The following PDE1C variants were observed in gnomAD, a reference collection of about 807,000 sequenced individuals.
PDE1C encodes the protein dual specificity calcium/calmodulin-dependent 3',5'-cyclic nucleotide phosphodiesterase 1C.
Under a neutral mutation model 93.1 loss-of-function variants are expected in PDE1C, and 62 were observed. The observed-to-expected ratio is 0.67, with a 90% CI of 0.54 to 0.82. The LOEUF is 0.82. PDE1C is among the 40% of genes least tolerant of loss of function. PDE1C has a pLI of 0.00. For missense variants in PDE1C, 742 were observed against 884.6 expected, an observed-to-expected ratio of 0.84 and a Z score of 2.04; for synonymous variants, 325 against 310.1, an observed-to-expected ratio of 1.05 and a Z score of -0.50.
At chr7:32,183,169 G>A (rs1803564194) in intron 2 of PDE1C, among the ~76,000 whole-genome samples, 1 of 152,060 alleles carries the variant, frequency 6.6e-6, no homozygotes, top group Non-Finnish European at 1.5e-5. Flanking sequence ...ACAAATGGAA[G>A]AACATTCCAT....
At chr7:31,695,084 G>A in the PDE1C span, among the ~76,000 whole-genome samples, 1 of 152,084 alleles carries the variant, frequency 6.6e-6, no homozygotes, top group Non-Finnish European at 1.5e-5. Flanking sequence ...TGGCCCTTGG[G>A]GTCTCCAAAG....
chr7:32,165,486 G>A (rs1802187451), intron 3 of PDE1C, among the ~76,000 whole-genome samples: 1 of 152,162 alleles, frequency 6.6e-6, no homozygotes, highest in Non-Finnish European at 1.5e-5. Flanking sequence ...ACATGGCTAG[G>A]GAGGCCTCAG....
the PDE1C span, among the ~76,000 whole-genome samples, chr7:31,731,185 T>C: frequency 6.6e-6 from 1 of 151,802 alleles, no homozygotes; most frequent in African/African-American, 2.4e-5. Context: ...TATGTTGGGA[T>C]CAAGCCCTGA....
intron 2 of PDE1C, among the ~76,000 whole-genome samples, chr7:31,894,353 C>G (rs1445188319): frequency 6.6e-6 from 1 of 152,234 alleles, no homozygotes; most frequent in African/African-American, 2.4e-5. Flanking sequence ...CAAGCTCAGA[C>G]AGCTGTGACA....
At chr7:31,838,049 T>A in intron 9 of PDE1C, 78 bp from the exon 10 acceptor site, 2 of 903,754 alleles carry the variant, frequency 2.2e-6, no homozygotes, top group Non-Finnish European at 1.8e-6. Flanking sequence ...TTTTTGCCAC[T>A]GCTAATGAAA....
chr7:32,184,464 G>A (rs563936863), intron 2 of PDE1C, among the ~76,000 whole-genome samples: 1,980 of 152,292 alleles, frequency 0.013, 47 homozygotes, highest in African/African-American at 0.045. Context: ...GGAATACTAT[G>A]CAGCCATAAA....
the PDE1C span, among the ~76,000 whole-genome samples, chr7:31,633,837 T>C: frequency 5.4e-4 from 82 of 152,124 alleles, 1 homozygote; most frequent in Non-Finnish European, 1.3e-4. Context: ...GGTTGAAACA[T>C]TTCTCTTGCT....
At chr7:31,711,998 G>A in the PDE1C span, among the ~76,000 whole-genome samples, 11 of 152,090 alleles carry the variant, frequency 7.2e-5, no homozygotes, top group Non-Finnish European at 8.8e-5. Flanking sequence ...AGATCTGCTC[G>A]TCCTCTAGAG....
intron 1 of PDE1C, among the ~76,000 whole-genome samples, chr7:32,420,965 G>A (rs1785420139): frequency 6.6e-6 from 1 of 152,070 alleles, no homozygotes; most frequent in African/African-American, 2.4e-5. Flanking sequence ...GATCTCACCT[G>A]ATCCCAGCTC....
At chr7:31,653,576 AC>A in the PDE1C span, 7 of 152,186 alleles carry the variant, frequency 4.6e-5, no homozygotes, top group African/African-American at 1.4e-4. Flanking sequence ...TTTAGGGACC[AC>A]AAGGAATTTC....
rs59580872 is a variant in PDE1C, at chr7:32,047,062, A to AGTGTGTGTGTGT, written c.128+4480_128+4491dup. Among the ~76,000 whole-genome samples the AGTGTGTGTGTGT allele has an allele frequency of 1.5e-3, 224 of 145,962 alleles. 1 individual carries two copies. Among genetic ancestry groups the AGTGTGTGTGTGT allele is most frequent in the African/African-American group, 5.4e-3 (216 of 39,700 alleles). ...GTGTGTGTGTGTGTGTGCGAGACAG[A>AGTGTGTGTGTGT]GTGTGTGTGTGTGTGTGTGTGTGTG... is the stretch of plus-strand genomic sequence containing the variant. On this transcript the variant is annotated intron_variant, in intron 2 of 17. Coordinates refer to ENST00000396191, the MANE Select transcript of PDE1C (RefSeq NM_001191057.4).
At chr7:32,251,649 A>AAG (rs1809389400) in intron 1 of PDE1C, among the ~76,000 whole-genome samples, 1 of 152,108 alleles carries the variant, frequency 6.6e-6, no homozygotes, top group African/African-American at 2.4e-5. Context: ...CTGCACCTGC[A>AAG]CAGTGCCTGG....
At chr7:31,785,565 G>A (rs1243134531) in intron 16 of PDE1C, 2 of 152,142 alleles carry the variant, frequency 1.3e-5, no homozygotes, top group African/African-American at 4.8e-5. Context: ...GTCATCCACT[G>A]CACAATCGTT....
chr7:32,332,706 A>G (rs959839552), intron 1 of PDE1C, among the ~76,000 whole-genome samples: 6 of 152,260 alleles, frequency 3.9e-5, no homozygotes, highest in African/African-American at 1.2e-4. Context: ...TGTAGAAATG[A>G]AAGTGAATAA....
chr7:32,099,989 C>T (rs1260962312), intron 3 of PDE1C, among the ~76,000 whole-genome samples: 2 of 152,148 alleles, frequency 1.3e-5, no homozygotes, highest in Admixed American at 6.5e-5. Flanking sequence ...TCTACATCCC[C>T]GTTTTCTACT....
chr7:31,773,096 G>A (rs560843203), intron 17 of PDE1C, among the ~76,000 whole-genome samples: 29 of 152,358 alleles, frequency 1.9e-4, no homozygotes, highest in African/African-American at 6.7e-4. Flanking sequence ...CTGCCCTGCA[G>A]CTTCTGTCCT....
the PDE1C span, among the ~76,000 whole-genome samples, chr7:31,662,387 TCTAA>T: frequency 6.6e-6 from 1 of 152,332 alleles, no homozygotes; most frequent in Admixed American, 6.5e-5. Context: ...CAGAATCATC[TCTAA>T]CTGTGTGTCC....
chr7:32,399,827 T>C (rs1784909866), intron 1 of PDE1C, among the ~76,000 whole-genome samples: 1 of 151,876 alleles, frequency 6.6e-6, no homozygotes, highest in Admixed American at 6.6e-5. Flanking sequence ...CAAGCAATCC[T>C]CCCATTTCGG....
intron 1 of PDE1C, among the ~76,000 whole-genome samples, chr7:32,308,343 G>T (rs1813071193): frequency 6.6e-6 from 1 of 152,178 alleles, no homozygotes. Flanking sequence ...AGTAACCTCT[G>T]CAGACTTAAA....
Sources: allele counts gnomAD v4.1 joint callset (sites outside exome capture counted in the v4.1 genomes callset), GRCh38; gene constraint gnomAD v4.1.1; transcripts MANE v1.5; gene names NCBI Gene and HGNC (gene_info 2026-07-23, HGNC 2026-07-21).